Variants in ISCA1 observed in about 807,000 individuals in gnomAD.
The protein encoded by ISCA1 is iron-sulfur cluster assembly 1.
A neutral mutation model predicts 14.7 loss-of-function variants in ISCA1; 9 were observed. The observed-to-expected ratio is 0.61, with a 90% confidence interval of 0.37 to 1.07. The LOEUF (loss-of-function observed/expected upper bound fraction) is 1.07. ISCA1 is among the 50% of genes least tolerant of loss of function. The pLI is 0.01. For missense variants in ISCA1, 102 were observed against 150.1 expected, an observed-to-expected ratio of 0.68 and a Z score of 1.67; for synonymous variants, 38 against 54.3, an observed-to-expected ratio of 0.70 and a Z score of 1.32.
At chr9:86,279,373 C>G (rs1373735490) in intron 1 of ISCA1, among the ~76,000 whole-genome samples, 1 of 152,218 alleles carries the variant, frequency 6.6e-6, no homozygotes, top group African/African-American at 2.4e-5. Flanking sequence ...ACTATTTACT[C>G]TTCAGATTCT....
chr9:86,277,538 A>G lies in ISCA1; in HGVS notation c.82-3296T>C, dbSNP rs181855895. ...TCTCAGTACCAGGGAGAGGCTAAGA[A>G]TCCTACCCTGCTTTAAGTCTACATA... On this transcript the variant is annotated intron_variant, in intron 1 of 3. Coordinates refer to ENST00000375991, the MANE Select transcript of ISCA1 (RefSeq NM_030940.4). Among the ~76,000 whole-genome samples, 96 of 152,304 alleles carry G rather than the reference A, an allele frequency of 6.3e-4. 1 individual carries two copies. Among genetic ancestry groups the G allele is most frequent in the Admixed American group, 5.0e-3 (76 of 15,296 alleles).
At position 86,267,564 on chromosome 9, in the gene ISCA1, C is replaced by A. The variant is rs1332943993; in HGVS notation, c.242-1373G>T. On this transcript the variant is annotated intron_variant, in intron 3 of 3. Coordinates refer to ENST00000375991, the MANE Select transcript of ISCA1 (RefSeq NM_030940.4). ...ATAGGGTGGAAGAAGGGGGCAGCAG[C>A]AAATATAATTAATTTTAATTATAAA... is the stretch of plus-strand genomic sequence containing the variant. 2.6e-5 allele frequency: 24 copies of A among 919,538 alleles called. 1 individual carries two copies. Among genetic ancestry groups the A allele is most frequent in the Non-Finnish European group, 5.2e-6 (4 of 770,462 alleles). The allele number at this position is 919,538 out of a possible 1,614,324, so 57.0% of individuals were successfully genotyped here.
chr9:86,265,881 A>G lies in ISCA1; in HGVS notation c.*162T>C. 2 of 1,131,990 alleles carry G rather than the reference A, an allele frequency of 1.8e-6. No individual in the cohort carries two copies. The allele number at this position is 1,131,990 out of a possible 1,614,324, so 70.1% of individuals were successfully genotyped here. ...TGGCTTCTCATTTTCTGTCCCCTAT[A>G]GAGAATATAAATATCATTTCTTCTG... On this transcript the variant is annotated 3_prime_UTR_variant, in exon 4 of 4. Transcript: ENST00000375991.
chr9:86,271,923 A>G, intron 3 of ISCA1, 84 bp downstream of exon 3: 1 of 736,918 alleles, frequency 1.4e-6, no homozygotes, highest in Admixed American at 2.4e-5. Flanking sequence ...TCCTGCTACT[A>G]TCCTTATTTT....
intron 1 of ISCA1, among the ~76,000 whole-genome samples, chr9:86,277,706 T>C (rs1825455145): frequency 6.6e-6 from 1 of 152,094 alleles, no homozygotes; most frequent in Non-Finnish European, 1.5e-5. Flanking sequence ...TCTCAAGAAA[T>C]TTATGTACTA....
chr9:86,271,926 C>T, intron 3 of ISCA1, 81 bp downstream of exon 3: 1 of 751,646 alleles, frequency 1.3e-6, no homozygotes, highest in South Asian at 1.5e-5. Flanking sequence ...TGCTACTATC[C>T]TTATTTTTTA....
intron 3 of ISCA1, chr9:86,267,143 TGA>T (rs1825300723): frequency 5.4e-6 from 1 of 184,272 alleles, no homozygotes; most frequent in Admixed American, 6.5e-5. Context: ...GAGGACTGCT[TGA>T]GCCCGGGAGA....
At chr9:86,278,731 A>C (rs1396361073) in intron 1 of ISCA1, among the ~76,000 whole-genome samples, 2 of 152,222 alleles carry the variant, frequency 1.3e-5, no homozygotes, top group Non-Finnish European at 2.9e-5. Context: ...CCATTGAAAC[A>C]ATTTAACAAA....
At chr9:86,269,198 T>TC (rs987796407) in intron 3 of ISCA1, among the ~76,000 whole-genome samples, 23 of 152,290 alleles carry the variant, frequency 1.5e-4, no homozygotes, top group African/African-American at 4.1e-4. Flanking sequence ...CCACATTTGA[T>TC]CTTTTACAAA....
intron 3 of ISCA1, among the ~76,000 whole-genome samples, chr9:86,269,768 A>G (rs1478466399): frequency 1.3e-5 from 2 of 151,266 alleles, no homozygotes; most frequent in African/African-American, 4.8e-5. Flanking sequence ...AACAGAACAG[A>G]GCCCTCAGAA....
chr9:86,268,007 G>A (rs925152077), intron 3 of ISCA1, among the ~76,000 whole-genome samples: 4 of 151,724 alleles, frequency 2.6e-5, no homozygotes, highest in Admixed American at 1.3e-4. Context: ...GTTCAATTAT[G>A]TACACTACAT....
At chr9:86,267,585 ATAAAT>A (rs1825305773) in intron 3 of ISCA1, 1 of 868,672 alleles carries the variant, frequency 1.2e-6, no homozygotes, top group East Asian at 1.2e-4. Context: ...AATTTTAATT[ATAAAT>A]TAAATTATAA....
At chr9:86,267,560 G>C in intron 3 of ISCA1, 2 of 930,026 alleles carry the variant, frequency 2.2e-6, no homozygotes, top group Non-Finnish European at 2.6e-6. Context: ...GAAGGGGGCA[G>C]CAGCAAATAT....
rs772924113 is a variant in ISCA1 at position 86,282,436 on chromosome 9, G to A, written c.23C>T (p.Ala8Val). The change falls in exon 1 of 4, where the codon GCA becomes GTA. Residue 8 changes from alanine (A) to valine (V), a missense_variant. Ala to Val is a moderately conservative substitution (Grantham distance 64). Coordinates refer to ENST00000375991, the MANE Select transcript of ISCA1 (RefSeq NM_030940.4). ...CCTCTTGCTCACAGCCCGGACAGTT[G>A]CCCGGACTAAGGAAGCCGACATCTT... is the stretch of plus-strand genomic sequence containing the variant. The part of the protein sequence containing the change: MSASLVR[A>V]TVRAVSKRKL... The A allele has an allele frequency of 6.4e-7, 1 of 1,555,168 alleles. No individual in the cohort carries two copies. The highest frequency in any genetic ancestry group is 2.4e-5 in the East Asian group (1 of 41,412).
At chr9:86,272,767 A>G (rs778620937) in intron 2 of ISCA1, among the ~76,000 whole-genome samples, 2 of 152,210 alleles carry the variant, frequency 1.3e-5, no homozygotes, top group Non-Finnish European at 2.9e-5. Flanking sequence ...CTGCATTTGT[A>G]TATAACCTAT....
In ISCA1 at chr9:86,266,050, T is replaced by C; in HGVS notation, c.383A>G (p.Asn128Ser). Reference protein sequence around the residue: ...KGTCGCGESFNI With the variant: ...KGTCGCGESFSI Reference sequence around the variant, plus strand: ...CAGAAGAGTCCTGAGATTTCAAATATTAAAGCTTTCTCCACAGCCACAAGT... The same window carrying C: ...CAGAAGAGTCCTGAGATTTCAAATACTAAAGCTTTCTCCACAGCCACAAGT... Residue 128 changes from asparagine to serine, a missense_variant, in exon 4 of 4, where the codon AAT (asparagine) becomes AGT (serine). Coordinates refer to ENST00000375991, the MANE Select transcript of ISCA1 (RefSeq NM_030940.4). 6.2e-7 allele frequency: 1 copy of C among 1,611,908 alleles called. No individual in the cohort carries two copies. The highest frequency in any genetic ancestry group is 8.5e-7 in the Non-Finnish European group (1 of 1,179,784).
rs1023335348 is a variant in ISCA1 at position 86,267,497 on chromosome 9, T to A, written c.242-1306A>T. ...CTGCAAGCTAAGTGCATACTTCCAA[T>A]GACAAGATAAATTATTTATTTTAGA... On this transcript the variant is annotated intron_variant, in intron 3 of 3. Coordinates refer to ENST00000375991, the MANE Select transcript of ISCA1 (RefSeq NM_030940.4). The A allele has an allele frequency of 3.1e-6, 3 of 976,550 alleles. No homozygotes were observed. In the African/African-American group the frequency reaches 5.3e-5, roughly 17 times the overall value. 60.5% of individuals were successfully genotyped at this position (976,550 alleles called of 1,614,324 possible).
chr9:86,268,703 T>G (rs1264360569), intron 3 of ISCA1, among the ~76,000 whole-genome samples: 3 of 152,114 alleles, frequency 2.0e-5, no homozygotes, highest in Admixed American at 6.5e-5. Context: ...TTCTTCCTTT[T>G]TTTTTCTTTT....
rs368273646 is a variant in ISCA1 at position 86,264,650 on chromosome 9, T to A, written c.*1393A>T. 1 of 152,568 alleles carries A rather than the reference T, an allele frequency of 6.6e-6. No homozygotes were observed. Among genetic ancestry groups the A allele is most frequent in the Admixed American group, 6.5e-5 (1 of 15,274 alleles). The allele number at this position is 152,568 out of a possible 1,614,324, so 9.5% of individuals were successfully genotyped here. On this transcript the variant is annotated 3_prime_UTR_variant, in exon 4 of 4. Coordinates refer to ENST00000375991, the MANE Select transcript of ISCA1 (RefSeq NM_030940.4). ...AGTGGATCAACAATTATATTATTGATACAAACTCATGAGCATTTACATAAA... is the reference window on the plus strand; with the variant it reads ...AGTGGATCAACAATTATATTATTGAAACAAACTCATGAGCATTTACATAAA...
Sources: allele counts gnomAD v4.1 joint callset (sites outside exome capture counted in the v4.1 genomes callset), GRCh38; gene constraint gnomAD v4.1.1; transcripts MANE v1.5; gene names NCBI Gene and HGNC (gene_info 2026-07-23, HGNC 2026-07-21).